The following GRIA1 variants were observed in gnomAD, a reference collection of about 807,000 sequenced individuals.
The protein encoded by GRIA1 is glutamate ionotropic receptor AMPA type subunit 1, also known as glutamate receptor 1.
A neutral mutation model predicts 99.2 loss-of-function variants in GRIA1; 31 were observed. The ratio of observed to expected loss-of-function variants is 0.31; its 90% CI spans 0.23 to 0.42. GRIA1 has a LOEUF of 0.42. Among genes scored for constraint, GRIA1 ranks in the 10% least tolerant of loss-of-function variants. The pLI, the probability that GRIA1 is intolerant of heterozygous loss-of-function variation, is 1.00. For missense variants in GRIA1, 782 were observed against 1,157.5 expected (o/e 0.68, Z 4.71); for synonymous variants, 438 against 432.4 (o/e 1.01, Z -0.16).
intron 2 of GRIA1, among the ~76,000 whole-genome samples, chr5:153,561,124 C>T (rs1053226725): frequency 3.3e-5 from 5 of 152,056 alleles, no homozygotes; most frequent in African/African-American, 7.2e-5. Context: ...ATTTAGTAAA[C>T]GTGGGGAAGG....
Position 153,491,054 on chromosome 5 carries a change from C to A in GRIA1, c.82+84C>A. ...GGATAGGGGTTGTGTACCCCCTCCCCGGTACTGACTGTTTTGCTTGGCTCC... is the reference window on the plus strand; with the variant it reads ...GGATAGGGGTTGTGTACCCCCTCCCAGGTACTGACTGTTTTGCTTGGCTCC... On this transcript the variant is annotated intron_variant, in intron 1 of 15. Transcript: ENST00000285900. 1 of 1,282,678 alleles carries A rather than the reference C, an allele frequency of 7.8e-7. No homozygotes were observed. Among genetic ancestry groups the A allele is most frequent in the Non-Finnish European group, 1.1e-6 (1 of 879,928 alleles). The allele number at this position is 1,282,678 out of a possible 1,614,324, so 79.5% of individuals were successfully genotyped here.
chr5:153,606,308 C>T (rs1484855694), intron 2 of GRIA1, among the ~76,000 whole-genome samples: 1 of 152,066 alleles, frequency 6.6e-6, no homozygotes, highest in Non-Finnish European at 1.5e-5. Context: ...TTCTCAGGTA[C>T]TTAGATTTAA....
chr5:153,744,240 C>A (rs1762002764), intron 11 of GRIA1, among the ~76,000 whole-genome samples: 1 of 152,082 alleles, frequency 6.6e-6, no homozygotes, highest in South Asian at 2.1e-4. Context: ...AACAGTTCAC[C>A]AAGAGTGGAA....
In GRIA1 at chr5:153,572,321, G is replaced by C. The variant is rs569399339; in HGVS notation, c.221-74607G>C. Among the ~76,000 whole-genome samples, 18 of 152,306 alleles carry C rather than the reference G, an allele frequency of 1.2e-4. No homozygotes were observed. The East Asian group carries it at 3.3e-3, about 28-fold the overall frequency. On this transcript the variant is annotated intron_variant, in intron 2 of 15. Transcript: ENST00000285900. ...TGGTGATATTAGGACCTGCTCATAT[G>C]AGATGACCCGCAAAGAGTACACCAT...
chr5:153,700,158 G>A (rs1021793937), intron 10 of GRIA1, among the ~76,000 whole-genome samples: 1 of 152,192 alleles, frequency 6.6e-6, no homozygotes, highest in Non-Finnish European at 1.5e-5. Context: ...GCCGAGGCAG[G>A]TGGATCACCT....
At chr5:153,614,038 G>T (rs375435335) in intron 2 of GRIA1, among the ~76,000 whole-genome samples, 4 of 152,062 alleles carry the variant, frequency 2.6e-5, no homozygotes, top group African/African-American at 9.7e-5. Flanking sequence ...TGCTTCTCTC[G>T]CTGCTCGGAC....
intron 8 of GRIA1, among the ~76,000 whole-genome samples, chr5:153,689,372 GA>G (rs371392262): frequency 4.6e-5 from 7 of 152,200 alleles, no homozygotes; most frequent in Admixed American, 1.3e-4. Flanking sequence ...TGCTCTCAGG[GA>G]AAAAAGAATA....
intron 5 of GRIA1, among the ~76,000 whole-genome samples, chr5:153,659,838 G>A (rs1755226568): frequency 6.6e-6 from 1 of 152,186 alleles, no homozygotes; most frequent in African/African-American, 2.4e-5. Flanking sequence ...GCAGACTCCT[G>A]TCTGAAAAAT....
chr5:153,679,515 C>CAGAT (rs993778363), intron 7 of GRIA1, among the ~76,000 whole-genome samples: 12 of 152,244 alleles, frequency 7.9e-5, no homozygotes, highest in Non-Finnish European at 1.5e-4. Context: ...GAGGCTGGAC[C>CAGAT]AGATCCCAGT....
At chr5:153,543,105 G>A (rs1296666711) in intron 2 of GRIA1, among the ~76,000 whole-genome samples, 2 of 152,168 alleles carry the variant, frequency 1.3e-5, no homozygotes, top group African/African-American at 2.4e-5. Context: ...AGTGGCTAAC[G>A]CAATACCTAG....
intron 10 of GRIA1, among the ~76,000 whole-genome samples, chr5:153,701,775 A>G (rs866024990): frequency 1.3e-5 from 2 of 152,172 alleles, no homozygotes; most frequent in African/African-American, 2.4e-5. Context: ...ACCAACCACC[A>G]GAGATCAAGA....
intron 5 of GRIA1, among the ~76,000 whole-genome samples, chr5:153,664,619 C>T (rs1405732078): frequency 2.0e-5 from 3 of 152,082 alleles, no homozygotes; most frequent in African/African-American, 7.2e-5. Context: ...GTAATATTGG[C>T]CTTTCTCACT....
chr5:153,731,531 C>A (rs780432639), intron 11 of GRIA1, among the ~76,000 whole-genome samples: 1 of 152,068 alleles, frequency 6.6e-6, no homozygotes, highest in Non-Finnish European at 1.5e-5. Context: ...TGTAATTCTA[C>A]AATTTTTCTC....
At chr5:153,649,738 A>G (rs932603631) in intron 3 of GRIA1, among the ~76,000 whole-genome samples, 4 of 152,222 alleles carry the variant, frequency 2.6e-5, no homozygotes, top group Non-Finnish European at 2.9e-5. Context: ...CTGGGATTAC[A>G]GGCGTGAGCC....
At chr5:153,567,696 C>A (rs1435845057) in intron 2 of GRIA1, among the ~76,000 whole-genome samples, 1 of 152,092 alleles carries the variant, frequency 6.6e-6, no homozygotes, top group African/African-American at 2.4e-5. Context: ...CAGAGTCCAC[C>A]TTATGGGAAG....
chr5:153,534,546 T>C (rs1156877652), intron 2 of GRIA1, among the ~76,000 whole-genome samples: 2 of 152,214 alleles, frequency 1.3e-5, no homozygotes, highest in African/African-American at 4.8e-5. Context: ...ATGGGATGGA[T>C]ACAGATGTCT....
intron 13 of GRIA1, 35 bp downstream of exon 13, chr5:153,770,450 T>C: frequency 6.3e-7 from 1 of 1,591,558 alleles, no homozygotes; most frequent in Non-Finnish European, 8.6e-7. Context: ...TGGTACTCCC[T>C]CTCCCCTCCC....
chr5:153,810,021 A>C (rs545919260), intron 15 of GRIA1, among the ~76,000 whole-genome samples: 1 of 152,310 alleles, frequency 6.6e-6, no homozygotes, highest in African/African-American at 2.4e-5. Flanking sequence ...GTAAAATATA[A>C]GAGTCTGGAT....
chr5:153,671,188 T>C (rs1756144608), intron 5 of GRIA1, among the ~76,000 whole-genome samples: 1 of 152,182 alleles, frequency 6.6e-6, no homozygotes, highest in Non-Finnish European at 1.5e-5. Context: ...GTGACAAGAT[T>C]GAGTGGCATT....
Sources: gnomAD v4.1 joint callset for allele counts (sites outside exome capture counted in the v4.1 genomes callset) on GRCh38, gnomAD v4.1.1 for gene constraint, MANE v1.5 for transcripts, NCBI Gene and HGNC (gene_info 2026-07-23, HGNC 2026-07-21) for gene names.